The following GALC variants were observed in gnomAD, a reference collection of about 807,000 sequenced individuals.
GALC encodes galactosylceramidase.
Under a neutral mutation model 91.8 loss-of-function variants are expected in GALC, and 77 were observed. That is an observed-to-expected ratio of 0.84 (90% CI 0.70 to 1.01). The LOEUF (loss-of-function observed/expected upper bound fraction) is 1.01, where lower values mean the gene tolerates loss of function less well. GALC is among the 50% of genes least tolerant of loss of function. The probability of loss-of-function intolerance (pLI) is 0.00; values close to 1 mark genes in which losing one functional copy is unlikely to be tolerated. For synonymous variants in GALC, 357 were observed against 306.7 expected, an observed-to-expected ratio of 1.16 and a Z score of -1.71; for missense variants, 882 against 855.9, an observed-to-expected ratio of 1.03 and a Z score of -0.38.
chr14:87,954,401 T>C, intron 10 of GALC: 1 of 1,598,004 alleles, frequency 6.3e-7, no homozygotes, highest in Non-Finnish European at 8.6e-7. Context: ...TGTGCTTGTA[T>C]TATGGAGTCC....
chr14:87,980,457 T>C (rs1448952699), intron 6 of GALC: 5 of 967,168 alleles, frequency 5.2e-6, no homozygotes, highest in Non-Finnish European at 6.1e-6. Context: ...TCTTCCTCCA[T>C]TGTCTAATCC....
chr14:87,963,596 T>C, intron 9 of GALC, 85 bp from the exon 10 acceptor site: 2 of 1,173,232 alleles, frequency 1.7e-6, no homozygotes, highest in Non-Finnish European at 1.2e-6. Flanking sequence ...TGTATATCAA[T>C]TTGAGTCTGA....
rs2269314 is a variant in GALC, at chr14:87,954,792, C to T, written c.1162-4044G>A. On this transcript the variant is annotated intron_variant, in intron 10 of 16. Transcript: ENST00000261304. ...TTCCCAACATCATATATACTGGCTG[C>T]GCAAAATATGGATTGGAACTAGAAA... The T allele has an allele frequency of 5.0e-3, 7,942 of 1,600,628 alleles. 359 individuals are homozygous for T. In the East Asian group the frequency reaches 0.11, roughly 22 times the overall value.
At position 87,939,636 on chromosome 14, in the gene GALC, A is replaced by G. The variant is rs558220299; in HGVS notation, c.1911+269T>C. ...CTTGAAAAAAATAGTTCAATTATTG[A>G]CTCTATCAATTATGCCTCAGTTTAA... On this transcript the variant is annotated intron_variant, in intron 16 of 16. Transcript: ENST00000261304. Among the ~76,000 whole-genome samples the G allele has an allele frequency of 3.9e-5, 6 of 151,908 alleles. No individual in the cohort carries two copies. In the East Asian group the frequency reaches 1.2e-3, roughly 30 times the overall value.
chr14:87,948,773 T>C (rs1435669351), intron 12 of GALC, among the ~76,000 whole-genome samples: 1 of 152,098 alleles, frequency 6.6e-6, no homozygotes, highest in African/African-American at 2.4e-5. Flanking sequence ...CCTAGCAATT[T>C]GTTACACAAA....
At chr14:87,952,814 C>A in intron 10 of GALC, 1 of 1,447,678 alleles carries the variant, frequency 6.9e-7, no homozygotes, top group African/African-American at 1.4e-5. Flanking sequence ...AGAAGATTCA[C>A]TCCTCTAGAC....
chr14:87,933,960 A>T lies in GALC; in HGVS notation c.*772T>A, dbSNP rs1243245391. 1 of 1,530,592 alleles carries T rather than the reference A, an allele frequency of 6.5e-7. No homozygotes were observed. Among genetic ancestry groups the T allele is most frequent in the African/African-American group, 1.4e-5 (1 of 72,992 alleles). 94.8% of individuals were successfully genotyped at this position (1,530,592 alleles called of 1,614,324 possible). A position where few individuals can be genotyped will look rare whatever the true frequency, so the allele number is the denominator to read the frequency against. ...ATGAGGCTGAGGAAACGACTACAAC[A>T]GCATTGGCTATATCAGGTTTTCTTC... On this transcript the variant is annotated 3_prime_UTR_variant, in exon 17 of 17. Transcript: ENST00000261304.
At chr14:87,951,377 C>A (rs1413723092) in intron 10 of GALC, among the ~76,000 whole-genome samples, 1 of 151,756 alleles carries the variant, frequency 6.6e-6, no homozygotes, top group African/African-American at 2.4e-5. Context: ...CTTTGCAGAC[C>A]ATTAAAAAAT....
At chr14:87,948,530 G>A (rs943751803) in intron 12 of GALC, among the ~76,000 whole-genome samples, 1 of 151,966 alleles carries the variant, frequency 6.6e-6, no homozygotes, top group African/African-American at 2.4e-5. Context: ...AATGGAAAAC[G>A]CTCCCAGTAT....
chr14:87,988,056 T>C (rs1012109030), intron 3 of GALC, 88 bp downstream of exon 3: 3 of 1,002,840 alleles, frequency 3.0e-6, no homozygotes, highest in African/African-American at 3.2e-5. Flanking sequence ...GTTGGTATTG[T>C]TTACACATAT....
chr14:87,987,039 C>T, intron 3 of GALC: 1 of 455,858 alleles, frequency 2.2e-6, no homozygotes, highest in South Asian at 1.6e-5. Context: ...GAACCCACAC[C>T]TTTAGCCTAT....
intron 12 of GALC, 51 bp from the exon 13 acceptor site, chr14:87,947,929 CAT>C: frequency 6.5e-7 from 1 of 1,534,706 alleles, no homozygotes. Flanking sequence ...TAGCTCATCT[CAT>C]GTGGACAGAA....
chr14:87,942,336 G>A (rs900666737), intron 14 of GALC, among the ~76,000 whole-genome samples: 2 of 151,944 alleles, frequency 1.3e-5, no homozygotes, highest in Non-Finnish European at 2.9e-5. Context: ...ATAAAATCCT[G>A]GTTCTAGGCT....
intron 2 of GALC, 85 bp downstream of exon 2, chr14:87,988,370 G>A: frequency 1.6e-6 from 2 of 1,256,630 alleles, no homozygotes; most frequent in Non-Finnish European, 1.2e-6. Context: ...AACTAGAATT[G>A]TGAGGCTAAT....
chr14:87,986,640 T>C, intron 3 of GALC, 38 bp from the exon 4 acceptor site: 1 of 1,256,126 alleles, frequency 8.0e-7, no homozygotes, highest in Non-Finnish European at 1.2e-6. Flanking sequence ...TAATGATCCA[T>C]GAATGGTACT....
intron 9 of GALC, 44 bp downstream of exon 9, chr14:87,965,461 C>T (rs1338729149): frequency 6.2e-7 from 1 of 1,606,004 alleles, no homozygotes; most frequent in East Asian, 2.2e-5. Flanking sequence ...TGCTTTGTCT[C>T]TTAGAGAAGA....
chr14:87,975,915 A>G (rs78523647), intron 7 of GALC, among the ~76,000 whole-genome samples: 17,184 of 152,230 alleles, frequency 0.11, 1,140 homozygotes, highest in Non-Finnish European at 0.16. Flanking sequence ...AAGAGTAGGC[A>G]TCAAAACTAT....
chr14:87,944,695 T>A (rs887451891), intron 14 of GALC, among the ~76,000 whole-genome samples: 2 of 152,008 alleles, frequency 1.3e-5, no homozygotes, highest in Non-Finnish European at 2.9e-5. Context: ...GGGACTAGAA[T>A]CAGGATTTCT....
intron 2 of GALC, 91 bp downstream of exon 2, chr14:87,988,364 A>G: frequency 1.6e-6 from 2 of 1,262,620 alleles, no homozygotes; most frequent in East Asian, 2.3e-5. Context: ...TTCAAAAACT[A>G]GAATTGTGAG....
Sources: allele counts gnomAD v4.1 joint callset (sites outside exome capture counted in the v4.1 genomes callset), GRCh38; gene constraint gnomAD v4.1.1; transcripts MANE v1.5; gene names NCBI Gene and HGNC (gene_info 2026-07-23, HGNC 2026-07-21).